CCSER1: variants seen among roughly 807,000 people sequenced by gnomAD.
CCSER1 encodes the protein coiled-coil serine rich protein 1.
Under a neutral mutation model 82.0 loss-of-function variants are expected in CCSER1, and 41 were observed. The ratio of observed to expected loss-of-function variants is 0.50; its 90% CI spans 0.39 to 0.65. The LOEUF (loss-of-function observed/expected upper bound fraction) is 0.65. Ranked by LOEUF, CCSER1 falls within the 30% of genes least tolerant of loss-of-function variation. The probability of loss-of-function intolerance (pLI) is 0.00; values close to 1 mark genes in which losing one functional copy is unlikely to be tolerated. For missense variants in CCSER1, 1,119 were observed against 1,064.2 expected, an observed-to-expected ratio of 1.05 and a Z score of -0.72; for synonymous variants, 414 against 383.9, an observed-to-expected ratio of 1.08 and a Z score of -0.92.
At chr4:90,200,171 A>G (rs948309716) in intron 1 of CCSER1, among the ~76,000 whole-genome samples, 1 of 151,946 alleles carries the variant, frequency 6.6e-6, no homozygotes, top group Admixed American at 6.6e-5. Flanking sequence ...ACCTGAAGTC[A>G]TGATGGCATA....
At chr4:90,646,239 A>G (rs1329649137) in intron 6 of CCSER1, among the ~76,000 whole-genome samples, 3 of 152,100 alleles carry the variant, frequency 2.0e-5, no homozygotes, top group Non-Finnish European at 4.4e-5. Flanking sequence ...TAATCATACT[A>G]TATAGTAATT....
intron 5 of CCSER1, among the ~76,000 whole-genome samples, chr4:90,494,118 G>T (rs1768563757): frequency 6.6e-6 from 1 of 152,110 alleles, no homozygotes; most frequent in South Asian, 2.1e-4. Context: ...TGCAATCCTA[G>T]TCTTGGATAA....
intron 9 of CCSER1, among the ~76,000 whole-genome samples, chr4:90,937,820 C>T (rs1056970095): frequency 6.6e-6 from 1 of 152,126 alleles, no homozygotes; most frequent in Non-Finnish European, 1.5e-5. Flanking sequence ...GGAGTGATTT[C>T]TCTTTCTGTA....
chr4:90,978,055 G>A (rs148297272), intron 9 of CCSER1, among the ~76,000 whole-genome samples: 2 of 151,522 alleles, frequency 1.3e-5, no homozygotes, highest in African/African-American at 4.8e-5. Context: ...ACATTTGGCT[G>A]GATATTCGTT....
intron 10 of CCSER1, among the ~76,000 whole-genome samples, chr4:91,117,266 C>T (rs1255014002): frequency 6.6e-6 from 1 of 152,180 alleles, no homozygotes; most frequent in African/African-American, 2.4e-5. Context: ...TGAATATGAT[C>T]ATTGAATGTG....
intron 5 of CCSER1, among the ~76,000 whole-genome samples, chr4:90,605,081 C>T (rs945186749): frequency 6.6e-6 from 1 of 152,206 alleles, no homozygotes; most frequent in Non-Finnish European, 1.5e-5. Flanking sequence ...TTTGAGCCGC[C>T]TTTATGAGCT....
chr4:90,185,634 G>A (rs540502074), intron 1 of CCSER1, among the ~76,000 whole-genome samples: 1 of 152,064 alleles, frequency 6.6e-6, no homozygotes, highest in Non-Finnish European at 1.5e-5. Context: ...CATTCTGAAA[G>A]ACAAGAGGGA....
At chr4:90,637,652 G>T (rs1485247865) in intron 6 of CCSER1, among the ~76,000 whole-genome samples, 2 of 152,120 alleles carry the variant, frequency 1.3e-5, no homozygotes, top group Admixed American at 1.3e-4. Context: ...CGTAGATGAG[G>T]TTTAAACACA....
At chr4:91,454,900 T>C (rs1230032013) in intron 10 of CCSER1, among the ~76,000 whole-genome samples, 3 of 152,068 alleles carry the variant, frequency 2.0e-5, no homozygotes, top group Non-Finnish European at 4.4e-5. Context: ...TTTTGAAATG[T>C]TCACAGTTAT....
chr4:91,581,061 C>T (rs974937617), intron 10 of CCSER1, among the ~76,000 whole-genome samples: 2 of 151,602 alleles, frequency 1.3e-5, no homozygotes, highest in African/African-American at 4.8e-5. Context: ...GCAGACCTTC[C>T]ACAGATAAGG....
intron 10 of CCSER1, among the ~76,000 whole-genome samples, chr4:91,219,789 AAT>A (rs1195704912): frequency 1.3e-5 from 2 of 152,110 alleles, no homozygotes; most frequent in Non-Finnish European, 2.9e-5. Flanking sequence ...AATTATGGAG[AAT>A]ATATATTTTT....
At chr4:90,141,020 A>ATCTATC (rs146218548) in intron 1 of CCSER1, among the ~76,000 whole-genome samples, 1 of 145,874 alleles carries the variant, frequency 6.9e-6, no homozygotes, top group Non-Finnish European at 1.5e-5. Flanking sequence ...ACCCAGCAAG[A>ATCTATC]TATCTATCTA....
intron 5 of CCSER1, among the ~76,000 whole-genome samples, chr4:90,526,905 T>G (rs1045268407): frequency 6.6e-6 from 1 of 152,178 alleles, no homozygotes; most frequent in Non-Finnish European, 1.5e-5. Context: ...GATTGCTGGG[T>G]CAAATGGTAT....
At chr4:91,125,232 T>C (rs1561567825) in intron 10 of CCSER1, among the ~76,000 whole-genome samples, 1 of 151,708 alleles carries the variant, frequency 6.6e-6, no homozygotes, top group African/African-American at 2.4e-5. Flanking sequence ...ACATGTTGTG[T>C]GATAATGTAT....
intron 8 of CCSER1, among the ~76,000 whole-genome samples, chr4:90,869,630 G>C (rs1246589829): frequency 6.6e-6 from 1 of 151,810 alleles, no homozygotes; most frequent in Non-Finnish European, 1.5e-5. Context: ...GTTGAGGTCA[G>C]GTAATGTGAT....
chr4:90,454,723 T>C (rs1761958082), intron 4 of CCSER1, among the ~76,000 whole-genome samples: 1 of 152,180 alleles, frequency 6.6e-6, no homozygotes, highest in Non-Finnish European at 1.5e-5. Context: ...TTTTCCACAG[T>C]AGTCAGGATC....
At chr4:91,572,837 T>C (rs539954313) in intron 10 of CCSER1, among the ~76,000 whole-genome samples, 3 of 150,392 alleles carry the variant, frequency 2.0e-5, no homozygotes, top group Non-Finnish European at 4.4e-5. Flanking sequence ...AAGAAGCCTG[T>C]CCATTTCTTG....
At chr4:91,259,758 A>C (rs933496048) in intron 10 of CCSER1, among the ~76,000 whole-genome samples, 2 of 152,192 alleles carry the variant, frequency 1.3e-5, no homozygotes, top group Non-Finnish European at 2.9e-5. Context: ...ATGTCCCTGC[A>C]GAGGACATTA....
chr4:91,544,099 A>G (rs1218315449), intron 10 of CCSER1, among the ~76,000 whole-genome samples: 1 of 152,008 alleles, frequency 6.6e-6, no homozygotes, highest in Admixed American at 6.6e-5. Flanking sequence ...TGAATTGACT[A>G]CTGAAGCTTG....
Sources: allele counts gnomAD v4.1 joint callset (sites outside exome capture counted in the v4.1 genomes callset), GRCh38; gene constraint gnomAD v4.1.1; transcripts MANE v1.5; gene names NCBI Gene and HGNC (gene_info 2026-07-23, HGNC 2026-07-21).